TAMM41: variants seen among roughly 807,000 people sequenced by gnomAD.
TAMM41 encodes phosphatidate cytidylyltransferase, mitochondrial.
A neutral mutation model predicts 44.1 loss-of-function variants in TAMM41; 36 were observed. The ratio of observed to expected loss-of-function variants is 0.82; its 90% CI spans 0.63 to 1.08. The LOEUF (loss-of-function observed/expected upper bound fraction) is 1.08, where lower values mean the gene tolerates loss of function less well. Among genes scored for constraint, TAMM41 ranks in the 50% least tolerant of loss-of-function variants. TAMM41 has a pLI of 0.00. For synonymous variants in TAMM41, 164 were observed against 153.1 expected (o/e 1.07, Z -0.53); for missense variants, 417 against 404.3 (o/e 1.03, Z -0.27).
Position 11,844,018 on chromosome 3 carries a change from C to T in TAMM41, c.318+11G>A, listed in dbSNP as rs1443945293. 1.9e-6 allele frequency: 3 copies of T among 1,610,650 alleles called. No individual in the cohort carries two copies. The African/African-American group carries it at 4.0e-5, about 22-fold the overall frequency. On this transcript the variant is annotated intron_variant, in intron 2 of 7. Transcript: ENST00000455809. ...CCAGCCAAGTTAAGACAAAGGCCAG[C>T]AGTCACTTACCCTACCATTACACAT... is the stretch of plus-strand genomic sequence containing the variant.
chr3:11,806,229 G>T (rs565452253), intron 7 of TAMM41, among the ~76,000 whole-genome samples: 6 of 152,206 alleles, frequency 3.9e-5, no homozygotes, highest in African/African-American at 1.4e-4. Flanking sequence ...ATCCCGAGCA[G>T]CTGGCACATG....
chr3:11,734,681 C>T, the TAMM41 span, among the ~76,000 whole-genome samples: 1 of 152,240 alleles, frequency 6.6e-6, no homozygotes, highest in South Asian at 2.1e-4. Flanking sequence ...GGAAGAAGAT[C>T]TAGTCTCTGC....
Position 11,790,549 on chromosome 3 carries a change from T to C in TAMM41, c.970A>G (p.Lys324Glu), listed in dbSNP as rs1470980985. The C allele has an allele frequency of 6.2e-7, 1 of 1,614,152 alleles. No homozygotes were observed. The highest frequency in any genetic ancestry group is 1.7e-5 in the Admixed American group (1 of 59,996). ...LKKSVIYSSL[K>E]LHKMWKGWLR... is the part of the protein sequence containing the mutation. ...CACCCTTTCCACATTTTGTGCAGTT[T>C]TAGTGAACTATAAATCACTGACTTC... is the stretch of plus-strand genomic sequence containing the variant. The change falls in exon 8 of 8, where the codon AAA (lysine) becomes GAA (glutamate). Residue 324 changes from lysine to glutamate, a missense_variant. Coordinates refer to ENST00000455809, the MANE Select transcript of TAMM41 (RefSeq NM_001284401.2).
chr3:11,765,268 A>G, the TAMM41 span, among the ~76,000 whole-genome samples: 1 of 152,060 alleles, frequency 6.6e-6, no homozygotes, highest in Non-Finnish European at 1.5e-5. Flanking sequence ...TCAACCACAA[A>G]TACCCGTCAC....
chr3:11,778,931 A>C, the TAMM41 span, among the ~76,000 whole-genome samples: 1 of 151,928 alleles, frequency 6.6e-6, no homozygotes, highest in African/African-American at 2.4e-5. Context: ...CACTTTTTTG[A>C]GGGCGTCTGC....
intron 5 of TAMM41, among the ~76,000 whole-genome samples, chr3:11,813,708 G>A (rs1209239332): frequency 6.6e-6 from 1 of 151,864 alleles, no homozygotes; most frequent in African/African-American, 2.4e-5. Context: ...CAGTACTTTG[G>A]GAGGCCAAGG....
the TAMM41 span, among the ~76,000 whole-genome samples, chr3:11,766,233 C>T: frequency 3.9e-4 from 59 of 151,862 alleles, no homozygotes; most frequent in African/African-American, 1.3e-3. Flanking sequence ...GTGAGGACCA[C>T]GGCTCACTAC....
the TAMM41 span, among the ~76,000 whole-genome samples, chr3:11,758,708 G>C: frequency 6.7e-6 from 1 of 148,682 alleles, no homozygotes; most frequent in South Asian, 2.1e-4. Context: ...GAATCTTGCT[G>C]TGTTGCCCAG....
At chr3:11,837,563 AAAGAGCT>A (rs1439944426) in intron 3 of TAMM41, among the ~76,000 whole-genome samples, 1 of 152,136 alleles carries the variant, frequency 6.6e-6, no homozygotes, top group Non-Finnish European at 1.5e-5. Flanking sequence ...CTGTGTCCCA[AAAGAGCT>A]AAGACAATAG....
the TAMM41 span, among the ~76,000 whole-genome samples, chr3:11,781,826 T>C: frequency 1.3e-5 from 2 of 151,894 alleles, no homozygotes; most frequent in African/African-American, 4.8e-5. Flanking sequence ...CGTCAACAAA[T>C]TGGTGTGACC....
At chr3:11,801,949 A>G (rs2077767886) in intron 7 of TAMM41, among the ~76,000 whole-genome samples, 1 of 152,206 alleles carries the variant, frequency 6.6e-6, no homozygotes, top group Non-Finnish European at 1.5e-5. Context: ...GACTAGGTGC[A>G]GTGGCTCATG....
chr3:11,736,427 C>G, the TAMM41 span, among the ~76,000 whole-genome samples: 1 of 152,156 alleles, frequency 6.6e-6, no homozygotes, highest in Non-Finnish European at 1.5e-5. Context: ...ATTCCAAAAT[C>G]TGAGCAAGAT....
chr3:11,804,617 A>G (rs564018226), intron 7 of TAMM41, among the ~76,000 whole-genome samples: 1 of 152,216 alleles, frequency 6.6e-6, no homozygotes, highest in Non-Finnish European at 1.5e-5. Context: ...GCCTCACCCA[A>G]GGAGGATCAT....
chr3:11,756,158 T>G, the TAMM41 span, among the ~76,000 whole-genome samples: 1 of 152,240 alleles, frequency 6.6e-6, no homozygotes, highest in Non-Finnish European at 1.5e-5. Flanking sequence ...AGGTGCTCAA[T>G]AAATGTTAGC....
At chr3:11,835,486 G>A (rs2079138520) in intron 3 of TAMM41, among the ~76,000 whole-genome samples, 1 of 152,174 alleles carries the variant, frequency 6.6e-6, no homozygotes, top group Non-Finnish European at 1.5e-5. Context: ...GCTGAGAAAT[G>A]CAGAGTTTTG....
the TAMM41 span, among the ~76,000 whole-genome samples, chr3:11,753,199 G>A: frequency 1.3e-5 from 2 of 151,868 alleles, no homozygotes; most frequent in Non-Finnish European, 2.9e-5. Flanking sequence ...TCAGAGGCGG[G>A]AGGATCACTT....
chr3:11,840,573 A>G (rs1227758209), intron 2 of TAMM41, among the ~76,000 whole-genome samples: 3 of 151,982 alleles, frequency 2.0e-5, no homozygotes, highest in African/African-American at 7.2e-5. Context: ...GTCACAGTGA[A>G]CCGATTTTGT....
chr3:11,822,353 G>C (rs1050964036), intron 4 of TAMM41, among the ~76,000 whole-genome samples: 1 of 152,084 alleles, frequency 6.6e-6, no homozygotes, highest in Non-Finnish European at 1.5e-5. Context: ...AAATAATTCA[G>C]TATTTTTAAT....
the TAMM41 span, among the ~76,000 whole-genome samples, chr3:11,746,640 TATTAATTA>T: frequency 9.2e-6 from 1 of 108,782 alleles, no homozygotes; most frequent in African/African-American, 7.7e-5. Flanking sequence ...TGCTATTTAT[TATTAATTA>T]ATTTATTTAT....
Sources: gnomAD v4.1 joint callset for allele counts (sites outside exome capture counted in the v4.1 genomes callset) on GRCh38, gnomAD v4.1.1 for gene constraint, MANE v1.5 for transcripts, NCBI Gene and HGNC (gene_info 2026-07-23, HGNC 2026-07-21) for gene names.